SH3RF3: variants seen among roughly 807,000 people sequenced by gnomAD.
The protein encoded by SH3RF3 is SH3 domain containing ring finger 3.
Under a neutral mutation model 66.3 loss-of-function variants are expected in SH3RF3, and 29 were observed. That is an observed-to-expected ratio of 0.44 (90% CI 0.33 to 0.60). The LOEUF (loss-of-function observed/expected upper bound fraction) is 0.60. Among genes scored for constraint, SH3RF3 ranks in the 20% least tolerant of loss-of-function variants. The pLI, the probability that SH3RF3 is intolerant of heterozygous loss-of-function variation, is 0.04. For synonymous variants in SH3RF3, 583 were observed against 532.0 expected (o/e 1.10, Z -1.32); for missense variants, 1,194 against 1,190.9 (o/e 1.00, Z -0.04).
chr2:109,161,034 A>C (rs933068488), intron 1 of SH3RF3, among the ~76,000 whole-genome samples: 2 of 152,128 alleles, frequency 1.3e-5, no homozygotes, highest in Non-Finnish European at 2.9e-5. Context: ...GAAGGCTGTG[A>C]GAGATGGAGA....
intron 8 of SH3RF3, among the ~76,000 whole-genome samples, chr2:109,455,478 A>T (rs1678025700): frequency 1.3e-5 from 2 of 152,160 alleles, no homozygotes; most frequent in South Asian, 4.1e-4. Context: ...TGTGGGACAC[A>T]TGTGTGCACC....
At position 109,398,634 on chromosome 2, in the gene SH3RF3, C is replaced by G; in HGVS notation, c.990C>G (p.Cys330Trp). The G allele has an allele frequency of 6.3e-7, 1 of 1,596,154 alleles. No homozygotes were observed. Among genetic ancestry groups the G allele is most frequent in the South Asian group, 1.1e-5 (1 of 87,862 alleles). Residue 330 changes from cysteine (C) to tryptophan (W), a missense_variant, in exon 4 of 10, where the codon TGC (cysteine) becomes TGG (tryptophan). Physicochemically the swap from Cys to Trp is radical, Grantham distance 215. Transcript: ENST00000309415. ...AKQLIEMDKP[C>W]PAAASSCNAS... The stretch of plus-strand genomic sequence containing the variant: ...AGCTCATTGAGATGGACAAGCCATG[C>G]CCAGCCGCTGCATCCAGCTGCAATG...
chr2:109,274,885 T>C (rs949018236), intron 1 of SH3RF3, among the ~76,000 whole-genome samples: 3 of 149,658 alleles, frequency 2.0e-5, no homozygotes, highest in Non-Finnish European at 2.9e-5. Flanking sequence ...ATAAAAATGT[T>C]CTAGATAGAG....
chr2:109,465,832 G>A (rs1678326947), intron 8 of SH3RF3, among the ~76,000 whole-genome samples: 1 of 151,810 alleles, frequency 6.6e-6, no homozygotes, highest in Admixed American at 6.6e-5. Flanking sequence ...GGTCTCATGA[G>A]AACTCACTCA....
intron 1 of SH3RF3, among the ~76,000 whole-genome samples, chr2:109,299,096 C>T (rs1681395025): frequency 6.6e-6 from 1 of 152,162 alleles, no homozygotes; most frequent in Non-Finnish European, 1.5e-5. Flanking sequence ...TGGGCAGGCT[C>T]CCCCAGGGCA....
chr2:109,490,274 C>T (rs773859920), intron 8 of SH3RF3, among the ~76,000 whole-genome samples: 48 of 152,084 alleles, frequency 3.2e-4, no homozygotes, highest in Non-Finnish European at 6.2e-4. Context: ...TGCTTGACTC[C>T]GGAGCAGAGG....
intron 8 of SH3RF3, among the ~76,000 whole-genome samples, chr2:109,489,207 G>A (rs1679063150): frequency 6.6e-6 from 1 of 152,258 alleles, no homozygotes; most frequent in Non-Finnish European, 1.5e-5. Context: ...AATGCAGTGG[G>A]ATTAATGAAT....
intron 7 of SH3RF3, among the ~76,000 whole-genome samples, chr2:109,442,476 T>C (rs1181752997): frequency 6.6e-6 from 1 of 152,182 alleles, no homozygotes; most frequent in Non-Finnish European, 1.5e-5. Context: ...TTTCTTATTA[T>C]TTGAATATCT....
rs974591144 is a variant in SH3RF3, at chr2:109,299,955, T to G, written c.574-47719T>G. ...AGCAAAGGAATAGGATGATAAAGCT[T>G]TAAGCAGGGATTTGTTCTATTTATT... On this transcript the variant is annotated intron_variant, in intron 1 of 9. Transcript: ENST00000309415. 1.3e-4 allele frequency among the ~76,000 whole-genome samples: 20 copies of G among 152,306 alleles called. No individual in the cohort carries two copies. In the Middle Eastern group the frequency reaches 0.014, roughly 104 times the overall value.
chr2:109,462,262 C>A (rs1278379424), intron 8 of SH3RF3, among the ~76,000 whole-genome samples: 1 of 151,428 alleles, frequency 6.6e-6, no homozygotes, highest in Non-Finnish European at 1.5e-5. Flanking sequence ...GAGAATTGAT[C>A]TACCCCTGAG....
At chr2:109,333,078 A>C (rs1682326658) in intron 1 of SH3RF3, among the ~76,000 whole-genome samples, 1 of 152,230 alleles carries the variant, frequency 6.6e-6, no homozygotes, top group African/African-American at 2.4e-5. Context: ...GGTGCCCTGC[A>C]GCTCCAGTGC....
At chr2:109,463,038 G>A (rs1678245894) in intron 8 of SH3RF3, among the ~76,000 whole-genome samples, 1 of 152,208 alleles carries the variant, frequency 6.6e-6, no homozygotes, top group Admixed American at 6.5e-5. Flanking sequence ...TTTTGGTATG[G>A]CCCTGGGGTC....
intron 1 of SH3RF3, among the ~76,000 whole-genome samples, chr2:109,345,062 A>G (rs1682653637): frequency 6.6e-6 from 1 of 152,150 alleles, no homozygotes; most frequent in South Asian, 2.1e-4. Context: ...AATTCATGAA[A>G]GACAGAATCC....
chr2:109,292,320 G>C (rs1216743450), intron 1 of SH3RF3, among the ~76,000 whole-genome samples: 9 of 152,198 alleles, frequency 5.9e-5, no homozygotes, highest in African/African-American at 2.2e-4. Flanking sequence ...TAGTGTATTG[G>C]GGTTCCACAT....
intron 1 of SH3RF3, among the ~76,000 whole-genome samples, chr2:109,302,915 C>G (rs1158909279): frequency 6.6e-6 from 1 of 152,150 alleles, no homozygotes; most frequent in African/African-American, 2.4e-5. Context: ...CTTGCTCTGT[C>G]CTCCAGGCTG....
intron 1 of SH3RF3, among the ~76,000 whole-genome samples, chr2:109,173,475 C>G (rs111582545): frequency 6.6e-6 from 1 of 152,168 alleles, no homozygotes; most frequent in African/African-American, 2.4e-5. Context: ...CTGCCTTACC[C>G]ACAGGCAGAT....
At chr2:109,466,072 CT>C (rs1171998206) in intron 8 of SH3RF3, among the ~76,000 whole-genome samples, 845 of 82,300 alleles carry the variant, frequency 0.01, 2 homozygotes, top group African/African-American at 0.034. Flanking sequence ...ACCTGTACAT[CT>C]TTTTTTTTTT....
chr2:109,501,704 G>C lies in SH3RF3; in HGVS notation c.*33G>C, dbSNP rs748467674. 10 of 728,598 alleles carry C rather than the reference G, an allele frequency of 1.4e-5. No homozygotes were observed. The highest frequency in any genetic ancestry group is 7.8e-5 in the East Asian group (3 of 38,296). 45.1% of individuals were successfully genotyped at this position (728,598 alleles called of 1,614,324 possible). ...TGCTCCCTGCACCCAGCTCACAGAG[G>C]GGGAGGCCGCCTGGGAAGCTCCACG... On this transcript the variant is annotated 3_prime_UTR_variant, in exon 10 of 10. Transcript: ENST00000309415.
chr2:109,286,349 G>A (rs1681030228), intron 1 of SH3RF3, among the ~76,000 whole-genome samples: 1 of 152,226 alleles, frequency 6.6e-6, no homozygotes, highest in Non-Finnish European at 1.5e-5. Context: ...TGCCCACGCA[G>A]TGGTCACTCC....
Sources: allele counts gnomAD v4.1 joint callset (sites outside exome capture counted in the v4.1 genomes callset), GRCh38; gene constraint gnomAD v4.1.1; transcripts MANE v1.5; gene names NCBI Gene and HGNC (gene_info 2026-07-23, HGNC 2026-07-21).